ANGPT4: variants seen among roughly 807,000 people sequenced by gnomAD.
The protein encoded by ANGPT4 is angiopoietin-4.
In ANGPT4, 50 loss-of-function variants were observed where a neutral mutation model predicts 53.0. That is an observed-to-expected ratio of 0.94 (90% CI 0.75 to 1.20). The LOEUF (loss-of-function observed/expected upper bound fraction) is 1.20. Ranked by LOEUF, ANGPT4 falls within the 50% of genes most tolerant of loss-of-function variation. The pLI, the probability that ANGPT4 is intolerant of heterozygous loss-of-function variation, is 0.00. For missense variants in ANGPT4, 648 were observed against 637.1 expected (o/e 1.02, Z -0.18); for synonymous variants, 251 against 259.7 (o/e 0.97, Z 0.32).
rs1383910965 is a variant in ANGPT4 at position 879,750 on chromosome 20, T to C, written c.1050A>G (p.Lys350=). The stretch of plus-strand genomic sequence containing the variant: ...CTCCCCAAGGCAGCAGGGCTACCTG[T>C]TTGTAATCCTTCCAGTTCCGCTGAA... ...VNFQRNWKDY[K]QGFGDPAGEH... The change falls in exon 6 of 9, where the codon AAA becomes AAG. Residue 350 remains lysine, a synonymous_variant. Coordinates refer to ENST00000381922, the MANE Select transcript of ANGPT4 (RefSeq NM_015985.4). The C allele has an allele frequency of 6.2e-7, 1 of 1,613,086 alleles. No homozygotes were observed. The highest frequency in any genetic ancestry group is 2.2e-5 in the East Asian group (1 of 44,806).
chr20:897,473 G>A (rs1331216018), intron 1 of ANGPT4, among the ~76,000 whole-genome samples: 1 of 152,152 alleles, frequency 6.6e-6, no homozygotes, highest in African/African-American at 2.4e-5. Context: ...AGAGACAAAG[G>A]AGACACATTT....
intron 1 of ANGPT4, among the ~76,000 whole-genome samples, chr20:891,966 T>A (rs1305017475): frequency 6.6e-6 from 1 of 151,888 alleles, no homozygotes; most frequent in Non-Finnish European, 1.5e-5. Context: ...CCAACTGTGG[T>A]TAACAACACC....
At chr20:879,721 G>T (rs772585199) in intron 6 of ANGPT4, 26 bp downstream of exon 6, 1 of 1,598,810 alleles carries the variant, frequency 6.3e-7, no homozygotes, top group African/African-American at 1.3e-5. Flanking sequence ...GAGCAGAATG[G>T]CCCCTCCCCA....
chr20:905,236 G>A (rs979653743), intron 1 of ANGPT4, among the ~76,000 whole-genome samples: 1 of 152,154 alleles, frequency 6.6e-6, no homozygotes, highest in South Asian at 2.1e-4. Context: ...AATCACTTTA[G>A]TCATTTGTCA....
intron 1 of ANGPT4, among the ~76,000 whole-genome samples, chr20:899,405 G>A (rs1241860240): frequency 7.9e-5 from 12 of 151,810 alleles, no homozygotes; most frequent in Admixed American, 6.6e-4. Flanking sequence ...CTGCCACCAC[G>A]CCTAGCTAAT....
chr20:885,410 T>G, intron 3 of ANGPT4, 85 bp from the exon 4 acceptor site: 2 of 1,431,652 alleles, frequency 1.4e-6, no homozygotes, highest in Non-Finnish European at 1.8e-6. Flanking sequence ...CTGGAGTCCC[T>G]GCAGCCCGAC....
Position 881,166 on chromosome 20 carries a change from CT to C in ANGPT4, c.951+4del. The C allele has an allele frequency of 6.4e-7, 1 of 1,573,274 alleles. No homozygotes were observed. The highest frequency in any genetic ancestry group is 1.2e-5 in the South Asian group (1 of 83,616). On this transcript the variant is annotated splice_donor_region_variant and intron_variant, in intron 5 of 8. Transcript: ENST00000381922. ...ACAGCCACAGTTCCCAGGGAGCCCCCTAACCTTCCTGGGCTTCGTTGCATTG... is the reference window on the plus strand; with the variant it reads ...ACAGCCACAGTTCCCAGGGAGCCCCCAACCTTCCTGGGCTTCGTTGCATTG...
At chr20:874,215 G>A in intron 8 of ANGPT4, 69 bp downstream of exon 8, 1 of 1,592,130 alleles carries the variant, frequency 6.3e-7, no homozygotes, top group South Asian at 1.1e-5. Context: ...AAGAACCTGG[G>A]GAGGGAATGG....
At chr20:890,517 T>G in intron 1 of ANGPT4, 149 bp from the exon 2 acceptor site, 1 of 659,724 alleles carries the variant, frequency 1.5e-6, no homozygotes, top group Non-Finnish European at 2.6e-6. Context: ...CCATTACGTC[T>G]TGCCTGGACT....
intron 3 of ANGPT4, 105 bp downstream of exon 3, chr20:888,213 G>A: frequency 6.9e-7 from 1 of 1,445,626 alleles, no homozygotes; most frequent in Non-Finnish European, 9.2e-7. Context: ...TTCCGGTCCT[G>A]GCTCCAGCCC....
At chr20:900,597 A>C (rs1249008309) in intron 1 of ANGPT4, among the ~76,000 whole-genome samples, 3 of 152,186 alleles carry the variant, frequency 2.0e-5, no homozygotes, top group African/African-American at 7.2e-5. Flanking sequence ...CATGACACCA[A>C]CAGTTCACTA....
intron 1 of ANGPT4, among the ~76,000 whole-genome samples, chr20:912,936 C>T (rs898470822): frequency 2.0e-5 from 3 of 152,154 alleles, no homozygotes; most frequent in African/African-American, 7.2e-5. Context: ...GCTTTCACTG[C>T]TACATGGCTC....
chr20:882,082 T>A (rs1421139379), intron 4 of ANGPT4, among the ~76,000 whole-genome samples: 1 of 152,174 alleles, frequency 6.6e-6, no homozygotes, highest in African/African-American at 2.4e-5. Flanking sequence ...TGTATCTCCC[T>A]GCTGCCCTGG....
rs565885611 is a variant in ANGPT4, at chr20:884,158, C to T, written c.835+920G>A. Reference sequence around the variant, plus strand: ...AGTCAGAGCTTCTTGAAAGTAGTCCCACTCTGTTCAAAAGCCTCCCATGCC... The same window carrying T: ...AGTCAGAGCTTCTTGAAAGTAGTCCTACTCTGTTCAAAAGCCTCCCATGCC... On this transcript the variant is annotated intron_variant, in intron 4 of 8. Coordinates refer to ENST00000381922, the MANE Select transcript of ANGPT4 (RefSeq NM_015985.4). Among the ~76,000 whole-genome samples the T allele has an allele frequency of 1.5e-3, 234 of 152,342 alleles. 1 individual carries two copies. The highest frequency in any genetic ancestry group is 5.5e-3 in the African/African-American group (227 of 41,578).
At chr20:875,910 G>T (rs1180856961) in intron 7 of ANGPT4, among the ~76,000 whole-genome samples, 1 of 152,040 alleles carries the variant, frequency 6.6e-6, no homozygotes, top group Non-Finnish European at 1.5e-5. Flanking sequence ...CAGGCTGATT[G>T]CTTGAGCCCA....
intron 4 of ANGPT4, among the ~76,000 whole-genome samples, chr20:884,123 T>G (rs1007121719): frequency 6.6e-6 from 1 of 152,182 alleles, no homozygotes; most frequent in East Asian, 1.9e-4. Context: ...ACATCTCCAC[T>G]CATGGTTCCA....
chr20:896,050 C>T (rs1361196405), intron 1 of ANGPT4, among the ~76,000 whole-genome samples: 1 of 152,072 alleles, frequency 6.6e-6, no homozygotes, highest in Non-Finnish European at 1.5e-5. Context: ...GTACGTGGGT[C>T]ATACCTCAGT....
chr20:902,902 T>C (rs1982340365), intron 1 of ANGPT4, among the ~76,000 whole-genome samples: 1 of 152,170 alleles, frequency 6.6e-6, no homozygotes, highest in Admixed American at 6.5e-5. Flanking sequence ...TTGTAGGCTC[T>C]GCTGTTGACC....
intron 5 of ANGPT4, among the ~76,000 whole-genome samples, chr20:880,154 G>A (rs567391340): frequency 1.3e-5 from 2 of 152,328 alleles, no homozygotes; most frequent in African/African-American, 4.8e-5. Context: ...AACGAGATGA[G>A]TCACGTAAAG....
Sources: gnomAD v4.1 joint callset for allele counts (sites outside exome capture counted in the v4.1 genomes callset) on GRCh38, gnomAD v4.1.1 for gene constraint, MANE v1.5 for transcripts, NCBI Gene and HGNC (gene_info 2026-07-23, HGNC 2026-07-21) for gene names.